Variants in CEP128 observed in about 807,000 individuals in gnomAD.
CEP128 encodes the protein centrosomal protein 128kDa.
Under a neutral mutation model 156.7 loss-of-function variants are expected in CEP128, and 132 were observed. The ratio of observed to expected loss-of-function variants is 0.84; its 90% confidence interval spans 0.73 to 0.97. The LOEUF (loss-of-function observed/expected upper bound fraction) is 0.97, where lower values mean the gene tolerates loss of function less well. Among genes scored for constraint, CEP128 ranks in the 50% least tolerant of loss-of-function variants. CEP128 has a pLI of 0.00. For synonymous variants in CEP128, 469 were observed against 448.9 expected, an observed-to-expected ratio of 1.04 and a Z score of -0.57; for missense variants, 1,252 against 1,281.9, an observed-to-expected ratio of 0.98 and a Z score of 0.36.
chr14:80,892,785 T>G (rs919724142), intron 8 of CEP128, among the ~76,000 whole-genome samples: 9 of 151,890 alleles, frequency 5.9e-5, no homozygotes, highest in African/African-American at 2.2e-4. Flanking sequence ...CACCAACAGC[T>G]ATATCAAAAG....
chr14:80,731,764 G>A (rs1309197478), intron 19 of CEP128, among the ~76,000 whole-genome samples: 1 of 152,138 alleles, frequency 6.6e-6, no homozygotes, highest in Non-Finnish European at 1.5e-5. Flanking sequence ...AAAGGGAAAA[G>A]ATTCTTTTGT....
upstream of CEP128, among the ~76,000 whole-genome samples, chr14:80,943,563 C>G (rs1460205416): frequency 6.6e-6 from 1 of 152,192 alleles, no homozygotes. Context: ...CAGGACACAA[C>G]TGGGACCAAA....
intron 19 of CEP128, among the ~76,000 whole-genome samples, chr14:80,701,900 C>T (rs190498411): frequency 7.5e-4 from 114 of 152,294 alleles, no homozygotes; most frequent in Non-Finnish European, 1.1e-3. Flanking sequence ...TGCATGGGTG[C>T]TTCTCTCTGG....
intron 2 of CEP128, among the ~76,000 whole-genome samples, chr14:80,949,099 C>CA (rs911172628): frequency 5.9e-5 from 9 of 151,782 alleles, no homozygotes; most frequent in African/African-American, 1.2e-4. Context: ...AGAATTATAC[C>CA]AAAAAAACAG....
chr14:80,487,851 A>G (rs1361824761), downstream of CEP128, among the ~76,000 whole-genome samples: 3 of 152,106 alleles, frequency 2.0e-5, no homozygotes, highest in African/African-American at 7.2e-5. Flanking sequence ...ACAACATACC[A>G]GAATCTCTGG....
At chr14:80,827,831 A>G (rs551400412) in intron 13 of CEP128, among the ~76,000 whole-genome samples, 3 of 152,312 alleles carry the variant, frequency 2.0e-5, no homozygotes, top group East Asian at 3.9e-4. Context: ...AGGGTAAATC[A>G]GTGAAGTGGT....
In CEP128 at chr14:80,580,434, AAAGTAAAAT is replaced by A; in HGVS notation, c.2807-20_2807-12del. 1 of 1,549,182 alleles carries A rather than the reference AAAGTAAAAT, an allele frequency of 6.5e-7. No individual in the cohort carries two copies. The highest frequency in any genetic ancestry group is 1.1e-5 in the South Asian group (1 of 87,550). On this transcript the variant is annotated splice_polypyrimidine_tract_variant and intron_variant, in intron 19 of 24. Coordinates refer to ENST00000555265, the MANE Select transcript of CEP128 (RefSeq NM_152446.5). ...TCTCTTCCAGTAGATCTGTAATAAG[AAAGTAAAAT>A]ACCCATCAAAATACAATGTAAAAAC... is the stretch of plus-strand genomic sequence containing the variant.
At chr14:80,806,035 C>T (rs754275908) in intron 13 of CEP128, among the ~76,000 whole-genome samples, 5 of 152,114 alleles carry the variant, frequency 3.3e-5, no homozygotes, top group African/African-American at 1.2e-4. Flanking sequence ...TGGTAATAAC[C>T]ATATCCCATA....
chr14:80,549,374 C>T (rs1490946023), intron 21 of CEP128, among the ~76,000 whole-genome samples: 1 of 152,172 alleles, frequency 6.6e-6, no homozygotes, highest in African/African-American at 2.4e-5. Flanking sequence ...TCAGCCAAAA[C>T]TGCTGGGATT....
Position 80,895,789 on chromosome 14 carries a change from A to G in CEP128, c.574T>C (p.Ser192Pro), listed in dbSNP as rs745812729. The G allele has an allele frequency of 6.8e-7, 1 of 1,464,952 alleles. No homozygotes were observed. Among genetic ancestry groups the G allele is most frequent in the Non-Finnish European group, 9.0e-7 (1 of 1,112,542 alleles). The allele number at this position is 1,464,952 out of a possible 1,614,324, so 90.7% of individuals were successfully genotyped here. A position where few individuals can be genotyped will look rare whatever the true frequency, so the allele number is the denominator to read the frequency against. ...FNRELSRRSR[S>P]DAETKRALEE... is the part of the protein sequence containing the mutation. ...AAAGCCCTTTTTGTTTCGGCATCTG[A>G]CCTAGGAAGAAAAAAAAAAAAAAGA... Residue 192 changes from serine (S) to proline (P), a missense_variant and splice_region_variant, in exon 8 of 25, where the codon TCA becomes CCA. Transcript: ENST00000555265.
intron 17 of CEP128, among the ~76,000 whole-genome samples, chr14:80,760,975 A>C (rs1186781226): frequency 2.0e-5 from 3 of 152,084 alleles, no homozygotes; most frequent in African/African-American, 4.8e-5. Context: ...AAACCGTCTA[A>C]ACCTCCCTTT....
intron 12 of CEP128, among the ~76,000 whole-genome samples, chr14:80,831,755 GATT>G (rs1319112054): frequency 6.6e-6 from 1 of 152,098 alleles, no homozygotes; most frequent in Non-Finnish European, 1.5e-5. Flanking sequence ...CTCATCTGGA[GATT>G]ATTACCTGAA....
intron 11 of CEP128, among the ~76,000 whole-genome samples, chr14:80,837,482 G>A (rs1257167951): frequency 2.6e-5 from 4 of 152,220 alleles, no homozygotes; most frequent in Non-Finnish European, 5.9e-5. Flanking sequence ...ACTTTGGGAG[G>A]CCGAGGTGGG....
At chr14:80,928,895 A>G (rs992356745) in intron 2 of CEP128, among the ~76,000 whole-genome samples, 1 of 152,198 alleles carries the variant, frequency 6.6e-6, no homozygotes, top group African/African-American at 2.4e-5. Context: ...TAATTAAACT[A>G]AAAAGTTTCT....
intron 9 of CEP128, among the ~76,000 whole-genome samples, chr14:80,856,715 CTTTTCTTTTTTTTTTTTTT>C (rs1412952207): frequency 2.7e-5 from 2 of 73,204 alleles, no homozygotes; most frequent in African/African-American, 1.0e-4. Context: ...TCATGTTTTT[CTTTTCTTTTTTTTTTTTTT>C]TTTTTTTTTT....
intron 15 of CEP128, among the ~76,000 whole-genome samples, chr14:80,780,668 CA>C (rs1277899201): frequency 1.3e-5 from 2 of 151,916 alleles, no homozygotes; most frequent in Non-Finnish European, 1.5e-5. Context: ...AGCACTTCCT[CA>C]AAAAAAATGA....
intron 19 of CEP128, among the ~76,000 whole-genome samples, chr14:80,610,219 C>T (rs1382996027): frequency 6.6e-6 from 1 of 152,110 alleles, no homozygotes; most frequent in African/African-American, 2.4e-5. Flanking sequence ...ATCAATCTTT[C>T]CCCCACTTAT....
At chr14:80,780,781 A>T (rs1901065062) in intron 15 of CEP128, among the ~76,000 whole-genome samples, 1 of 152,222 alleles carries the variant, frequency 6.6e-6, no homozygotes, top group African/African-American at 2.4e-5. Flanking sequence ...CAACATTTCA[A>T]CTTATAGCCA....
At chr14:80,915,247 T>A (rs1380767942) in intron 3 of CEP128, among the ~76,000 whole-genome samples, 3 of 152,024 alleles carry the variant, frequency 2.0e-5, no homozygotes, top group African/African-American at 7.2e-5. Context: ...GGTCTCAAAC[T>A]CCTGGCTCAA....
Sources: allele counts gnomAD v4.1 joint callset (sites outside exome capture counted in the v4.1 genomes callset), GRCh38; gene constraint gnomAD v4.1.1; transcripts MANE v1.5; gene names NCBI Gene and HGNC (gene_info 2026-07-23, HGNC 2026-07-21).